Variants in GLB1L3 observed in about 807,000 individuals in gnomAD.
GLB1L3 encodes beta-galactosidase-1-like protein 3.
A neutral mutation model predicts 89.5 loss-of-function variants in GLB1L3; 89 were observed. The ratio of observed to expected loss-of-function variants is 0.99; its 90% CI spans 0.84 to 1.19. The LOEUF is 1.19. Ranked by LOEUF, GLB1L3 falls within the 50% of genes most tolerant of loss-of-function variation. The pLI, the probability that GLB1L3 is intolerant of heterozygous loss-of-function variation, is 0.00. For missense variants in GLB1L3, 812 were observed against 813.3 expected, an observed-to-expected ratio of 1.00 and a Z score of 0.02; for synonymous variants, 314 against 312.3, an observed-to-expected ratio of 1.01 and a Z score of -0.06.
intron 9 of GLB1L3, among the ~76,000 whole-genome samples, chr11:134,293,726 C>A (rs1357156346): frequency 8.8e-6 from 1 of 113,862 alleles, no homozygotes; most frequent in East Asian, 2.0e-4. Context: ...TCTGTCCTTT[C>A]TCTGCAGCCT....
chr11:134,308,299 C>T (rs144600352), intron 10 of GLB1L3, among the ~76,000 whole-genome samples: 2,809 of 32,546 alleles, frequency 0.086, 476 homozygotes, highest in African/African-American at 0.17. Context: ...ACCACCACCA[C>T]CACCACCACC....
intron 9 of GLB1L3, among the ~76,000 whole-genome samples, chr11:134,306,817 CCAAAA>C (rs1942226521): frequency 6.6e-6 from 1 of 152,246 alleles, no homozygotes; most frequent in South Asian, 2.1e-4. Flanking sequence ...CCTCGTGTAT[CCAAAA>C]CCCATTCTTT....
chr11:134,302,459 A>G (rs1941993548), intron 9 of GLB1L3, among the ~76,000 whole-genome samples: 1 of 152,156 alleles, frequency 6.6e-6, no homozygotes, highest in African/African-American at 2.4e-5. Context: ...TTTGTTATTC[A>G]CTTAATTCTA....
Position 134,276,426 on chromosome 11 carries a change from G to A in GLB1L3, c.-315G>A, listed in dbSNP as rs1940373319. On this transcript the variant is annotated 5_prime_UTR_variant, in exon 1 of 20. Transcript: ENST00000431683. ...GACCCAGGTTAGGAAGCCCGAGGTCGGGGCGTTACCCCAAGGGCCCTCCCG... is the reference window on the plus strand; with the variant it reads ...GACCCAGGTTAGGAAGCCCGAGGTCAGGGCGTTACCCCAAGGGCCCTCCCG... 3.3e-6 allele frequency: 1 copy of A among 306,386 alleles called. No individual in the cohort carries two copies. The highest frequency in any genetic ancestry group is 6.0e-6 in the Non-Finnish European group (1 of 167,502). The allele number at this position is 306,386 out of a possible 1,614,324, so 19.0% of individuals were successfully genotyped here.
In GLB1L3 at chr11:134,276,462, G is replaced by T; in HGVS notation, c.-279G>T. On this transcript the variant is annotated 5_prime_UTR_variant, in exon 1 of 20. Coordinates refer to ENST00000431683, the MANE Select transcript of GLB1L3 (RefSeq NM_001080407.3). ...CCAAGGGCCCTCCCGCTTCCCCTCC[G>T]AGGGCAGAGAGGCGTCCGCGCCCGG... 2.8e-6 allele frequency: 1 copy of T among 351,516 alleles called. No individual in the cohort carries two copies. The highest frequency in any genetic ancestry group is 5.1e-6 in the Non-Finnish European group (1 of 196,184). 21.8% of individuals were successfully genotyped at this position (351,516 alleles called of 1,614,324 possible).
intron 18 of GLB1L3, among the ~76,000 whole-genome samples, chr11:134,314,769 CTT>C (rs1942906672): frequency 6.6e-6 from 1 of 152,194 alleles, no homozygotes; most frequent in Non-Finnish European, 1.5e-5. Flanking sequence ...TTATATATAA[CTT>C]TGCCTGAACA....
chr11:134,312,540 T>C, intron 14 of GLB1L3, 51 bp downstream of exon 14: 2 of 1,594,704 alleles, frequency 1.3e-6, no homozygotes, highest in Non-Finnish European at 1.7e-6. Context: ...CACCTCCCCA[T>C]GCTGTCGGGC....
rs935059066 is a variant in GLB1L3, at chr11:134,292,391, C to T, written c.811+178C>T. ...AGGACTCAAGGTTAAGGCTCAGGGCCACTCACAGCTCCCTATCTTGGCCTT... is the reference window on the plus strand; with the variant it reads ...AGGACTCAAGGTTAAGGCTCAGGGCTACTCACAGCTCCCTATCTTGGCCTT... On this transcript the variant is annotated intron_variant, in intron 8 of 19. Coordinates refer to ENST00000431683, the MANE Select transcript of GLB1L3 (RefSeq NM_001080407.3). 3.5e-5 allele frequency: 19 copies of T among 539,578 alleles called. 1 individual carries two copies. The Admixed American group carries it at 5.5e-4, about 16-fold the overall frequency. 33.4% of individuals were successfully genotyped at this position (539,578 alleles called of 1,614,324 possible). A position where few individuals can be genotyped will look rare whatever the true frequency, so the allele number is the denominator to read the frequency against.
At chr11:134,277,551 A>ATATGCACAGAACACGTCCTACTAACG (rs1940445404) in intron 2 of GLB1L3, 100 bp downstream of exon 2, 2 of 1,544,064 alleles carry the variant, frequency 1.3e-6, no homozygotes, top group Admixed American at 1.8e-5. Flanking sequence ...TCCTACTAAC[A>ATATGCACAGAACACGTCCTACTAACG]TATGCACAGA....
intron 12 of GLB1L3, 174 bp from the exon 13 acceptor site, chr11:134,310,890 G>C (rs1942698574): frequency 3.1e-6 from 2 of 635,446 alleles, no homozygotes; most frequent in Non-Finnish European, 5.6e-6. Flanking sequence ...TAGTAACCTT[G>C]GTCTCCTGTG....
intron 9 of GLB1L3, among the ~76,000 whole-genome samples, chr11:134,300,024 C>G (rs1941858559): frequency 6.6e-6 from 1 of 152,142 alleles, no homozygotes; most frequent in Non-Finnish European, 1.5e-5. Context: ...GGCGGTGGCT[C>G]TCTCCCCTCA....
rs1438266057 is a variant in GLB1L3, at chr11:134,319,218, T to A, written c.*276T>A. 1.8e-5 allele frequency: 6 copies of A among 339,206 alleles called. 1 individual carries two copies. Among genetic ancestry groups the A allele is most frequent in the Non-Finnish European group, 5.4e-6 (1 of 184,558 alleles). 21.0% of individuals were successfully genotyped at this position (339,206 alleles called of 1,614,324 possible). On this transcript the variant is annotated 3_prime_UTR_variant, in exon 20 of 20. Transcript: ENST00000431683. ...ATCTGCTCTCCTCAGCCTCCCAAAG[T>A]ACTGGGATTACAGGCGTGAGCCACC...
intron 7 of GLB1L3, 65 bp from the exon 8 acceptor site, chr11:134,292,067 T>G: frequency 9.6e-7 from 1 of 1,042,170 alleles, no homozygotes; most frequent in Non-Finnish European, 1.5e-6. Context: ...TGGGGAGCTG[T>G]ATGTATTTCT....
chr11:134,282,611 C>T (rs898978389), intron 5 of GLB1L3, among the ~76,000 whole-genome samples: 7 of 152,170 alleles, frequency 4.6e-5, no homozygotes, highest in Admixed American at 4.6e-4. Context: ...AGTGAGACCA[C>T]CCTCAGCTCC....
In GLB1L3 at chr11:134,292,134, C is replaced by G. The variant is rs576929800; in HGVS notation, c.732C>G (p.Ala244=). 3 of 1,612,936 alleles carry G rather than the reference C, an allele frequency of 1.9e-6. No individual in the cohort carries two copies. In the South Asian group the frequency reaches 3.3e-5, roughly 18 times the overall value. The change falls in exon 8 of 20, where the codon GCC becomes GCG. Residue 244 remains alanine, a splice_region_variant and synonymous_variant. Coordinates refer to ENST00000431683, the MANE Select transcript of GLB1L3 (RefSeq NM_001080407.3). ...DKTYMPYLHK[A]LLRRGIVELL... Reference sequence around the variant, plus strand: ...ATTTTGGTTAATTTTCTCAACAGGCCCTGCTGAGAAGAGGGATTGTGGAGC... The same window carrying G: ...ATTTTGGTTAATTTTCTCAACAGGCGCTGCTGAGAAGAGGGATTGTGGAGC...
chr11:134,285,031 C>G (rs1940906568), intron 6 of GLB1L3, among the ~76,000 whole-genome samples: 4 of 150,556 alleles, frequency 2.7e-5, no homozygotes, highest in Admixed American at 2.7e-4. Flanking sequence ...TGGGTTCACG[C>G]CATTCTCCTG....
chr11:134,308,359 C>T (rs1322301192), intron 10 of GLB1L3, among the ~76,000 whole-genome samples: 1 of 49,732 alleles, frequency 2.0e-5, no homozygotes, highest in Non-Finnish European at 4.1e-5. Context: ...ATCACCACTA[C>T]CACCACCACC....
rs1194082301 is a variant in GLB1L3 at position 134,308,266 on chromosome 11, CACCACCACCACCACCAA to C, written c.961+1060_961+1076del. Among the ~76,000 whole-genome samples, 33 of 46,476 alleles carry C rather than the reference CACCACCACCACCACCAA, an allele frequency of 7.1e-4. 5 individuals are homozygous for C. The highest frequency in any genetic ancestry group is 3.3e-3 in the African/African-American group (30 of 9,224). The allele number at this position is 46,476 out of a possible 152,430, so 30.5% of individuals were successfully genotyped here. ...CCATCACCACCATCACCACCACCACCACCACCACCACCACCAAATACCACCACCACCACCACCACCAC... is the reference window on the plus strand; with the variant it reads ...CCATCACCACCATCACCACCACCACCATACCACCACCACCACCACCACCAC... On this transcript the variant is annotated intron_variant, in intron 10 of 19. Transcript: ENST00000431683.
chr11:134,296,796 C>G (rs1941670183), intron 9 of GLB1L3, among the ~76,000 whole-genome samples: 1 of 148,226 alleles, frequency 6.7e-6, no homozygotes. Context: ...ACATATGTAA[C>G]TAACCTGCAC....
Sources: gnomAD v4.1 joint callset for allele counts (sites outside exome capture counted in the v4.1 genomes callset) on GRCh38, gnomAD v4.1.1 for gene constraint, MANE v1.5 for transcripts, NCBI Gene and HGNC (gene_info 2026-07-23, HGNC 2026-07-21) for gene names.